Variants in FERMT1 observed in about 807,000 individuals in gnomAD.
FERMT1 encodes FERM domain containing kindlin 1, also known as fermitin family homolog 1.
A neutral mutation model predicts 85.3 loss-of-function variants in FERMT1; 60 were observed. The ratio of observed to expected loss-of-function variants is 0.70; its 90% CI spans 0.57 to 0.87. The LOEUF (loss-of-function observed/expected upper bound fraction) is 0.87. FERMT1 is among the 40% of genes least tolerant of loss of function. The probability of loss-of-function intolerance (pLI) is 0.00; values close to 1 mark genes in which losing one functional copy is unlikely to be tolerated. For missense variants in FERMT1, 701 were observed against 818.9 expected (o/e 0.86, Z 1.76); for synonymous variants, 275 against 301.1 (o/e 0.91, Z 0.90).
In FERMT1 at chr20:6,110,475, A is replaced by T; in HGVS notation, c.569T>A (p.Ile190Lys). Residue 190 changes from isoleucine to lysine, a missense_variant, in exon 5 of 15, where the codon ATA (isoleucine) becomes AAA (lysine). Physicochemically the swap from Ile to Lys is moderately radical, Grantham distance 102. Coordinates refer to ENST00000217289, the MANE Select transcript of FERMT1 (RefSeq NM_017671.5). ...TGGTGTTCCATTGATGGGGTCATAT[A>T]TAGGGGTCATGGTTTTACTGTATAA... ...PGLYSKTMTP[I>K]YDPINGTPAS... 1 of 1,614,166 alleles carries T rather than the reference A, an allele frequency of 6.2e-7. No homozygotes were observed.
chr20:6,084,280 A>G (rs1982100533), intron 12 of FERMT1, 116 bp from the exon 13 acceptor site: 1 of 1,111,644 alleles, frequency 9.0e-7, no homozygotes, highest in African/African-American at 1.5e-5. Context: ...GCAGCTCTAC[A>G]AAGACAATCC....
rs7268935 is a variant in FERMT1, at chr20:6,111,906, C to T, written c.532+571G>A. ...TGAGACAGGGTCTTGCTCTGTCACC[C>T]AGCCTGAGTGCAGTGGCACAATCTT... On this transcript the variant is annotated intron_variant, in intron 4 of 14. Coordinates refer to ENST00000217289, the MANE Select transcript of FERMT1 (RefSeq NM_017671.5). Among the ~76,000 whole-genome samples, 699 of 151,622 alleles carry T rather than the reference C, an allele frequency of 4.6e-3. 5 individuals are homozygous for T. The highest frequency in any genetic ancestry group is 0.016 in the African/African-American group (663 of 41,322).
Position 6,076,302 on chromosome 20 carries a change from A to G in FERMT1, c.*871T>C. 1 of 386,914 alleles carries G rather than the reference A, an allele frequency of 2.6e-6. No individual in the cohort carries two copies. Among genetic ancestry groups the G allele is most frequent in the Non-Finnish European group, 5.2e-6 (1 of 192,606 alleles). 24.0% of individuals were successfully genotyped at this position (386,914 alleles called of 1,614,324 possible). A position where few individuals can be genotyped will look rare whatever the true frequency, so the allele number is the denominator to read the frequency against. ...CCTGACTGGAATCCTTGACACTGGC[A>G]GGTGTTTCTATGAACAGAGAGGACT... On this transcript the variant is annotated 3_prime_UTR_variant, in exon 15 of 15. Transcript: ENST00000217289.
intron 12 of FERMT1, 130 bp from the exon 13 acceptor site, chr20:6,084,294 C>A: frequency 1.0e-6 from 1 of 983,940 alleles, no homozygotes; most frequent in South Asian, 1.4e-5. Context: ...ACAATCCATT[C>A]TCATCCATTC....
intron 5 of FERMT1, among the ~76,000 whole-genome samples, chr20:6,108,738 C>T (rs1448479684): frequency 2.0e-5 from 3 of 150,900 alleles, no homozygotes; most frequent in Middle Eastern, 3.4e-3. Context: ...TGTTTGAACC[C>T]GGGAGGTGGA....
intron 10 of FERMT1, among the ~76,000 whole-genome samples, chr20:6,088,226 G>A (rs933266863): frequency 1.3e-5 from 2 of 152,176 alleles, no homozygotes; most frequent in South Asian, 2.1e-4. Flanking sequence ...TCACAATAAT[G>A]TGAGTTGAGT....
At chr20:6,093,527 T>C (rs1982421078) in intron 9 of FERMT1, among the ~76,000 whole-genome samples, 1 of 152,242 alleles carries the variant, frequency 6.6e-6, no homozygotes, top group Non-Finnish European at 1.5e-5. Context: ...ATGTGGCAAC[T>C]CATTTTTTTG....
chr20:6,117,756 AG>A (rs977078258), intron 2 of FERMT1, among the ~76,000 whole-genome samples: 2 of 147,082 alleles, frequency 1.4e-5, no homozygotes, highest in Non-Finnish European at 3.0e-5. Flanking sequence ...CATGTTGGCC[AG>A]GCTGGTCTTG....
At chr20:6,105,850 T>C (rs1982781996) in intron 6 of FERMT1, among the ~76,000 whole-genome samples, 1 of 152,226 alleles carries the variant, frequency 6.6e-6, no homozygotes, top group African/African-American at 2.4e-5. Flanking sequence ...ACTGACTTAG[T>C]AACTGGAAAA....
chr20:6,081,989 T>C (rs1163295081), intron 13 of FERMT1, among the ~76,000 whole-genome samples: 1 of 152,178 alleles, frequency 6.6e-6, no homozygotes, highest in Non-Finnish European at 1.5e-5. Flanking sequence ...CTCTCCATCA[T>C]CCAGGGAGCG....
At chr20:6,118,621 C>T (rs1387520257) in intron 2 of FERMT1, among the ~76,000 whole-genome samples, 2 of 152,002 alleles carry the variant, frequency 1.3e-5, no homozygotes, top group Admixed American at 6.6e-5. Flanking sequence ...AAATAGAAGG[C>T]AAAAGAAGCA....
Position 6,077,060 on chromosome 20 carries a change from A to G in FERMT1, c.*113T>C. 1 of 1,053,722 alleles carries G rather than the reference A, an allele frequency of 9.5e-7. No individual in the cohort carries two copies. The allele number at this position is 1,053,722 out of a possible 1,614,324, so 65.3% of individuals were successfully genotyped here. ...ATGAGGATCTGGGTGACCAGCGGTGAATGTATGTTGTCTGTTAGTCCAGAA... is the reference window on the plus strand; with the variant it reads ...ATGAGGATCTGGGTGACCAGCGGTGGATGTATGTTGTCTGTTAGTCCAGAA... On this transcript the variant is annotated 3_prime_UTR_variant, in exon 15 of 15. Coordinates refer to ENST00000217289, the MANE Select transcript of FERMT1 (RefSeq NM_017671.5).
chr20:6,109,737 T>TA (rs1389249489), intron 5 of FERMT1, among the ~76,000 whole-genome samples: 2 of 151,804 alleles, frequency 1.3e-5, no homozygotes, highest in South Asian at 2.1e-4. Context: ...CAATCTCTAC[T>TA]AAAAAAATAC....
chr20:6,119,162 G>A (rs941166042), intron 2 of FERMT1, among the ~76,000 whole-genome samples: 1 of 152,184 alleles, frequency 6.6e-6, no homozygotes, highest in African/African-American at 2.4e-5. Flanking sequence ...TGGCCAGCCT[G>A]TTCTTGATCT....
At position 6,110,326 on chromosome 20, in the gene FERMT1, G is replaced by C; in HGVS notation, c.718C>G (p.Leu240Val). Residue 240 changes from leucine to valine, a missense_variant, in exon 5 of 15, where the codon CTG becomes GTG. Leu to Val is a conservative substitution (Grantham distance 32). Transcript: ENST00000217289. ...GCATTGAGCTTGGCTTTATCAACCA[G>C]AGACCGAGGCTGGTACATATCCGCA... ...ALADMYQPRSLVDKAKLNAGW... is the reference protein window; with the variant it reads ...ALADMYQPRSVVDKAKLNAGW... 6.2e-7 allele frequency: 1 copy of C among 1,613,252 alleles called. No homozygotes were observed. Among genetic ancestry groups the C allele is most frequent in the Non-Finnish European group, 8.5e-7 (1 of 1,179,864 alleles).
In FERMT1 at chr20:6,107,587, TC is replaced by T; in HGVS notation, c.793del (p.Asp265MetfsTer16). 1 of 1,613,246 alleles carries T rather than the reference TC, an allele frequency of 6.2e-7. No individual in the cohort carries two copies. The highest frequency in any genetic ancestry group is 1.1e-5 in the South Asian group (1 of 91,058). On this transcript the variant is annotated frameshift_variant, in exon 6 of 15. Coordinates refer to ENST00000217289, the MANE Select transcript of FERMT1 (RefSeq NM_017671.5). LOFTEE classifies it high-confidence loss of function. The part of the protein sequence containing the change: ...RSLMEQGIQE[D>X]EQLLLRFKYY... ...TTTAAATCGTAAGAGCAGCTGCTCATCCTCTTGGATGCCTTGTTCCATAAGG... is the reference window on the plus strand; with the variant it reads ...TTTAAATCGTAAGAGCAGCTGCTCATCTCTTGGATGCCTTGTTCCATAAGG...
intron 4 of FERMT1, among the ~76,000 whole-genome samples, chr20:6,111,058 T>A (rs1422816750): frequency 6.6e-6 from 1 of 152,160 alleles, no homozygotes; most frequent in Non-Finnish European, 1.5e-5. Flanking sequence ...TGTCTGAGCC[T>A]CCTGAATAGC....
chr20:6,103,722 T>A (rs1172498695), intron 6 of FERMT1, among the ~76,000 whole-genome samples: 4 of 151,504 alleles, frequency 2.6e-5, no homozygotes, highest in Non-Finnish European at 4.4e-5. Flanking sequence ...GAGAAATTCA[T>A]CTTTTGTTTG....
At chr20:6,122,572 C>A (rs1331318501) in intron 1 of FERMT1, among the ~76,000 whole-genome samples, 1 of 152,192 alleles carries the variant, frequency 6.6e-6, no homozygotes, top group Non-Finnish European at 1.5e-5. Flanking sequence ...GCAGCACCTG[C>A]GGCTGAACTG....
Sources: gnomAD v4.1 joint callset for allele counts (sites outside exome capture counted in the v4.1 genomes callset) on GRCh38, gnomAD v4.1.1 for gene constraint, MANE v1.5 for transcripts, NCBI Gene and HGNC (gene_info 2026-07-23, HGNC 2026-07-21) for gene names.